The following EXOC6 variants were observed in gnomAD, a reference collection of about 807,000 sequenced individuals.
The protein encoded by EXOC6 is exocyst complex component 6.
EXOC6 carries 60 observed loss-of-function variants against 112.5 expected under a neutral mutation model. That is an observed-to-expected ratio of 0.53 (90% CI 0.43 to 0.66). The LOEUF is 0.66. EXOC6 is among the 30% of genes least tolerant of loss of function. The probability of loss-of-function intolerance (pLI) is 0.00; values close to 1 mark genes in which losing one functional copy is unlikely to be tolerated. For missense variants in EXOC6, 855 were observed against 957.1 expected, an observed-to-expected ratio of 0.89 and a Z score of 1.41; for synonymous variants, 295 against 308.0, an observed-to-expected ratio of 0.96 and a Z score of 0.44.
chr10:92,884,361 A>C lies in EXOC6; in HGVS notation c.102-8988A>C, dbSNP rs1849107010. Among the ~76,000 whole-genome samples, 11 of 152,182 alleles carry C rather than the reference A, an allele frequency of 7.2e-5. No homozygotes were observed. The South Asian group carries it at 2.3e-3, about 31-fold the overall frequency. On this transcript the variant is annotated intron_variant, in intron 1 of 21. Transcript: ENST00000260762. ...TCTTGCTAGTTTTTGTTTTTTCTTA[A>C]AAGCAGTTGATTGACATTTAGTAAA... is the stretch of plus-strand genomic sequence containing the variant.
At chr10:92,886,172 A>G (rs1239464528) in intron 1 of EXOC6, among the ~76,000 whole-genome samples, 1 of 152,252 alleles carries the variant, frequency 6.6e-6, no homozygotes, top group East Asian at 1.9e-4. Flanking sequence ...AGGCTCAAAG[A>G]GTGAGTACTG....
chr10:92,986,130 T>A (rs778345460), intron 18 of EXOC6, among the ~76,000 whole-genome samples: 29 of 152,270 alleles, frequency 1.9e-4, no homozygotes, highest in Non-Finnish European at 3.5e-4. Context: ...CATTATCACA[T>A]CCTGTGACAT....
chr10:92,890,446 A>G (rs1032652884), intron 1 of EXOC6, among the ~76,000 whole-genome samples: 12 of 152,200 alleles, frequency 7.9e-5, no homozygotes, highest in African/African-American at 2.9e-4. Flanking sequence ...GTTATATGAT[A>G]GACACTATTC....
At chr10:93,002,498 TG>T (rs1296150398) in intron 19 of EXOC6, among the ~76,000 whole-genome samples, 1 of 152,152 alleles carries the variant, frequency 6.6e-6, no homozygotes, top group Non-Finnish European at 1.5e-5. Flanking sequence ...CCTGCTGAAT[TG>T]GGAACTCTGG....
rs1381591394 is a variant in EXOC6 at position 93,017,482 on chromosome 10, G to C, written c.2169+3215G>C. On this transcript the variant is annotated intron_variant, in intron 20 of 21. Coordinates refer to ENST00000260762, the MANE Select transcript of EXOC6 (RefSeq NM_019053.6). ...CAGGTTCCTGTAATCCCAGCTACTT[G>C]GGGGGCTGCGGCAGGGGAATCGCTT... Among the ~76,000 whole-genome samples the C allele has an allele frequency of 2.0e-5, 3 of 151,896 alleles. No individual in the cohort carries two copies. In the East Asian group the frequency reaches 5.9e-4, roughly 30 times the overall value.
intron 19 of EXOC6, chr10:92,999,278 G>C (rs560402265): frequency 2.5e-6 from 1 of 392,630 alleles, no homozygotes; most frequent in Non-Finnish European, 4.9e-6. Flanking sequence ...GCCCAGACTG[G>C]TCTCAAACTC....
At chr10:92,854,351 C>G (rs549965449) in intron 1 of EXOC6, among the ~76,000 whole-genome samples, 1 of 151,824 alleles carries the variant, frequency 6.6e-6, no homozygotes, top group South Asian at 2.1e-4. Flanking sequence ...GCAGGGGAAT[C>G]ACTTGAACCT....
intron 17 of EXOC6, among the ~76,000 whole-genome samples, chr10:92,969,453 T>C (rs1217344473): frequency 1.3e-5 from 2 of 152,138 alleles, no homozygotes; most frequent in East Asian, 3.9e-4. Context: ...CCTGTGAGTA[T>C]AACAAAATAT....
At chr10:92,920,700 A>G (rs969897814) in intron 8 of EXOC6, among the ~76,000 whole-genome samples, 4 of 152,218 alleles carry the variant, frequency 2.6e-5, no homozygotes, top group African/African-American at 9.6e-5. Context: ...GTCTTCAACT[A>G]TAACTGTTGA....
At chr10:93,048,211 T>TA (rs1846098135) in intron 20 of EXOC6, among the ~76,000 whole-genome samples, 1 of 151,494 alleles carries the variant, frequency 6.6e-6, no homozygotes, top group South Asian at 2.1e-4. Flanking sequence ...CATGTATACA[T>TA]ATGTAACAAA....
intron 20 of EXOC6, among the ~76,000 whole-genome samples, chr10:93,031,267 C>T (rs565871601): frequency 1.0e-3 from 152 of 151,758 alleles, no homozygotes; most frequent in Non-Finnish European, 1.8e-3. Context: ...AAAAAAAAGT[C>T]ATTTTGTTAC....
intron 1 of EXOC6, among the ~76,000 whole-genome samples, chr10:92,885,312 A>ATG (rs1849157434): frequency 6.6e-6 from 1 of 151,944 alleles, no homozygotes; most frequent in Non-Finnish European, 1.5e-5. Context: ...AAATTAAAAT[A>ATG]TGTAAGTAAA....
chr10:92,860,803 C>A (rs1847877747), intron 1 of EXOC6, among the ~76,000 whole-genome samples: 1 of 152,050 alleles, frequency 6.6e-6, no homozygotes, highest in Admixed American at 6.5e-5. Flanking sequence ...CTTTTTTAGG[C>A]AGAATGAAAG....
chr10:92,848,016 CTAAAA>C (rs112013707), upstream of EXOC6, among the ~76,000 whole-genome samples: 2 of 152,152 alleles, frequency 1.3e-5, no homozygotes, highest in African/African-American at 4.8e-5. Context: ...TTATTCGTTC[CTAAAA>C]TAAATCTTAC....
chr10:93,033,932 C>T (rs1845390174), intron 20 of EXOC6, among the ~76,000 whole-genome samples: 3 of 152,138 alleles, frequency 2.0e-5, no homozygotes, highest in African/African-American at 4.8e-5. Flanking sequence ...AAAAAGAAAG[C>T]CACCAAAGTA....
chr10:92,966,443 C>T (rs1350202723), intron 17 of EXOC6, among the ~76,000 whole-genome samples: 2 of 109,048 alleles, frequency 1.8e-5, no homozygotes, highest in South Asian at 3.8e-4. Context: ...CCCCCTCCCC[C>T]CACCCCACAT....
At chr10:93,001,963 T>C (rs182357063) in intron 19 of EXOC6, among the ~76,000 whole-genome samples, 1 of 152,364 alleles carries the variant, frequency 6.6e-6, no homozygotes, top group East Asian at 1.9e-4. Flanking sequence ...CCAGATTAAA[T>C]ATAGAGATAC....
chr10:92,894,759 T>A, intron 2 of EXOC6, 35 bp from the exon 3 acceptor site: 1 of 1,595,184 alleles, frequency 6.3e-7, no homozygotes, highest in Non-Finnish European at 8.6e-7. Flanking sequence ...GTTTTATGCA[T>A]ATTTGTCTAA....
upstream of EXOC6, among the ~76,000 whole-genome samples, chr10:92,847,716 T>C (rs1453111263): frequency 6.6e-6 from 1 of 151,796 alleles, no homozygotes; most frequent in Non-Finnish European, 1.5e-5. Context: ...TGCCTCTCTC[T>C]CCCACCTCCC....
Sources: gnomAD v4.1 joint callset for allele counts (sites outside exome capture counted in the v4.1 genomes callset) on GRCh38, gnomAD v4.1.1 for gene constraint, MANE v1.5 for transcripts, NCBI Gene and HGNC (gene_info 2026-07-23, HGNC 2026-07-21) for gene names.